The following INSL6 variants were observed in gnomAD, a reference collection of about 807,000 sequenced individuals.
INSL6 encodes the protein insulin like 6, also known as insulin-like peptide INSL6.
INSL6 carries 16 observed loss-of-function variants against 9.4 expected under a neutral mutation model. That is an observed-to-expected ratio of 1.70 (90% CI 1.15 to 2.59). INSL6 has a LOEUF of 2.59. Ranked by LOEUF, INSL6 falls within the 30% of genes most tolerant of loss-of-function variation. The pLI, the probability that INSL6 is intolerant of heterozygous loss-of-function variation, is 0.00. For missense variants in INSL6, 391 were observed against 257.3 expected, an observed-to-expected ratio of 1.52 and a Z score of -3.56; for synonymous variants, 154 against 96.9, an observed-to-expected ratio of 1.59 and a Z score of -3.46.
the INSL6 span, among the ~76,000 whole-genome samples, chr9:5,056,700 A>C: frequency 2.6e-5 from 4 of 152,170 alleles, no homozygotes; most frequent in African/African-American, 9.7e-5. Flanking sequence ...TATTTTATGG[A>C]TGCATAAAAG....
At chr9:5,147,634 A>G (rs1294363953) in intron 2 of INSL6, among the ~76,000 whole-genome samples, 1 of 150,928 alleles carries the variant, frequency 6.6e-6, no homozygotes, top group African/African-American at 2.5e-5. Context: ...ATTTGAATAG[A>G]CCATCTTCAA....
chr9:5,153,679 A>G (rs1389049083), intron 2 of INSL6, among the ~76,000 whole-genome samples: 2 of 152,156 alleles, frequency 1.3e-5, no homozygotes, highest in Non-Finnish European at 2.9e-5. Flanking sequence ...TTATACACCA[A>G]TAACAGACAG....
At chr9:5,143,053 G>T (rs1284954719) in intron 2 of INSL6, among the ~76,000 whole-genome samples, 1 of 152,118 alleles carries the variant, frequency 6.6e-6, no homozygotes, top group Non-Finnish European at 1.5e-5. Flanking sequence ...CTACTCGATT[G>T]TGATTGATTA....
the INSL6 span, chr9:5,111,363 T>A: frequency 2.5e-6 from 1 of 405,824 alleles, no homozygotes; most frequent in Non-Finnish European, 4.8e-6. Context: ...GTACTACCCC[T>A]CCTACGCCAG....
chr9:5,179,233 T>C (rs1825387903), intron 1 of INSL6, among the ~76,000 whole-genome samples: 1 of 152,024 alleles, frequency 6.6e-6, no homozygotes, highest in Non-Finnish European at 1.5e-5. Flanking sequence ...AAAGAAGACA[T>C]ATATGTGGCC....
At chr9:5,018,817 C>T in the INSL6 span, among the ~76,000 whole-genome samples, 2 of 152,158 alleles carry the variant, frequency 1.3e-5, no homozygotes. Context: ...TTTCTTTCAG[C>T]ACTTTTCATA....
the INSL6 span, chr9:5,080,568 T>C: frequency 6.3e-7 from 1 of 1,598,900 alleles, no homozygotes; most frequent in Non-Finnish European, 8.5e-7. Context: ...ATCAGCTTCC[T>C]GCACCAAAGT....
At chr9:5,046,110 A>G in the INSL6 span, among the ~76,000 whole-genome samples, 1 of 152,114 alleles carries the variant, frequency 6.6e-6, no homozygotes, top group Non-Finnish European at 1.5e-5. Flanking sequence ...ATTTTGATGC[A>G]TACTTCTCTA....
the INSL6 span, among the ~76,000 whole-genome samples, chr9:5,092,995 C>G: frequency 6.6e-6 from 1 of 152,158 alleles, no homozygotes; most frequent in Non-Finnish European, 1.5e-5. Flanking sequence ...AGAAAGTGTT[C>G]AAGCTCAACA....
chr9:5,178,865 A>G (rs530434131), intron 1 of INSL6, among the ~76,000 whole-genome samples: 1 of 152,358 alleles, frequency 6.6e-6, no homozygotes, highest in South Asian at 2.1e-4. Context: ...AATTAACTCA[A>G]GATGGATTAA....
chr9:5,084,347 T>A, the INSL6 span, among the ~76,000 whole-genome samples: 15 of 152,298 alleles, frequency 9.8e-5, no homozygotes, highest in African/African-American at 3.1e-4. Context: ...ATATTTGTAC[T>A]GCCTTACTGA....
At chr9:5,117,183 C>G in the INSL6 span, among the ~76,000 whole-genome samples, 1,082 of 152,348 alleles carry the variant, frequency 7.1e-3, 10 homozygotes, top group African/African-American at 0.025. Context: ...CATGGACTCC[C>G]AACCTCCAGA....
At chr9:5,041,431 C>T in the INSL6 span, 1 of 626,788 alleles carries the variant, frequency 1.6e-6, no homozygotes, top group Non-Finnish European at 3.0e-6. Context: ...TGTTCATGTA[C>T]TTCCTGTGCA....
At chr9:5,054,823 G>C in the INSL6 span, 1 of 1,612,430 alleles carries the variant, frequency 6.2e-7, no homozygotes, top group Non-Finnish European at 8.5e-7. This position sits in a 1 kb window ranked among gnomAD's most constrained non-coding sequence, Gnocchi z 4.9. Context: ...ATAATAACTG[G>C]AAACGGTGGA....
chr9:5,169,371 G>T (rs771853464), intron 1 of INSL6, among the ~76,000 whole-genome samples: 10 of 152,140 alleles, frequency 6.6e-5, no homozygotes, highest in Non-Finnish European at 1.3e-4. Context: ...GCTCCTGAAG[G>T]AAGCAGTAAA....
chr9:5,176,613 C>T (rs1313841086), intron 1 of INSL6, among the ~76,000 whole-genome samples: 5 of 152,000 alleles, frequency 3.3e-5, no homozygotes, highest in African/African-American at 1.2e-4. Context: ...TAGCAAGCTT[C>T]CTTACCTTAA....
intron 2 of INSL6, among the ~76,000 whole-genome samples, chr9:5,154,721 A>T (rs1824782344): frequency 6.6e-6 from 1 of 152,250 alleles, no homozygotes. Context: ...GACACATGAA[A>T]AAATGCTCAT....
At chr9:5,008,606 A>G in the INSL6 span, among the ~76,000 whole-genome samples, 1 of 152,218 alleles carries the variant, frequency 6.6e-6, no homozygotes, top group African/African-American at 2.4e-5. Flanking sequence ...TGATTTTTAT[A>G]TGTGTGGGTA....
the INSL6 span, chr9:5,086,223 T>C: frequency 1.6e-6 from 1 of 606,760 alleles, no homozygotes; most frequent in South Asian, 5.1e-5. Flanking sequence ...GAGGCCACGG[T>C]CGGAGTCTGA....
Sources: allele counts gnomAD v4.1 joint callset (sites outside exome capture counted in the v4.1 genomes callset), GRCh38; gene constraint gnomAD v4.1.1; non-coding constraint Gnocchi (gnomAD v3.1); transcripts MANE v1.5; gene names NCBI Gene and HGNC (gene_info 2026-07-23, HGNC 2026-07-21).